The following TYW1B variants were observed in gnomAD, a reference collection of about 807,000 sequenced individuals.
TYW1B encodes S-adenosyl-L-methionine-dependent tRNA 4-demethylwyosine synthase TYW1B.
TYW1B carries 73 observed loss-of-function variants against 86.9 expected under a neutral mutation model. The observed-to-expected ratio is 0.84, with a 90% CI of 0.70 to 1.02. The LOEUF is 1.02. TYW1B is among the 50% of genes least tolerant of loss of function. TYW1B has a pLI of 0.00. For missense variants in TYW1B, 637 were observed against 827.4 expected, an observed-to-expected ratio of 0.77 and a Z score of 2.82; for synonymous variants, 248 against 292.8, an observed-to-expected ratio of 0.85 and a Z score of 1.56.
intron 2 of TYW1B, among the ~76,000 whole-genome samples, chr7:72,826,459 A>G (rs1788930265): frequency 6.6e-6 from 1 of 152,202 alleles, no homozygotes; most frequent in East Asian, 1.9e-4. Context: ...CATGATTTCC[A>G]TTCCCTCCAA....
intron 7 of TYW1B, among the ~76,000 whole-genome samples, chr7:72,776,524 G>A (rs1294190996): frequency 2.7e-5 from 3 of 112,822 alleles, no homozygotes; most frequent in Non-Finnish European, 4.9e-5. Context: ...TTATGCCACC[G>A]CACTCCAGAC....
At position 72,780,859 on chromosome 7, in the gene TYW1B, T is replaced by G. The variant is rs564538004; in HGVS notation, c.847-3326A>C. On this transcript the variant is annotated intron_variant, in intron 6 of 13. Coordinates refer to ENST00000620995, the MANE Select transcript of TYW1B (RefSeq NM_001145440.3). ...AAGGGAGTTTAATGCACCATTCAAATTCTAACTCTAATCTGCTAGGTGTAG... is the reference window on the plus strand; with the variant it reads ...AAGGGAGTTTAATGCACCATTCAAAGTCTAACTCTAATCTGCTAGGTGTAG... Among the ~76,000 whole-genome samples, 36 of 152,172 alleles carry G rather than the reference T, an allele frequency of 2.4e-4. No individual in the cohort carries two copies. The South Asian group carries it at 7.5e-3, about 32-fold the overall frequency.
chr7:72,762,832 G>C lies in TYW1B; in HGVS notation c.964+14584C>G, dbSNP rs375629445. ...ACCCCACCATGCCCGGCTAATTTTT[G>C]TATTTTTAGTAGAGATGGCATTTCA... On this transcript the variant is annotated intron_variant, in intron 7 of 13. Transcript: ENST00000620995. Among the ~76,000 whole-genome samples, 5 of 151,998 alleles carry C rather than the reference G, an allele frequency of 3.3e-5. No individual in the cohort carries two copies. In the East Asian group the frequency reaches 7.8e-4, roughly 24 times the overall value.
chr7:72,715,632 A>C (rs1469230354), intron 9 of TYW1B, among the ~76,000 whole-genome samples: 2 of 151,936 alleles, frequency 1.3e-5, no homozygotes, highest in Non-Finnish European at 2.9e-5. Flanking sequence ...AAAAACAACT[A>C]ATGGGTACTG....
chr7:72,602,075 C>T (rs1811680112), intron 13 of TYW1B, among the ~76,000 whole-genome samples: 2 of 151,970 alleles, frequency 1.3e-5, no homozygotes, highest in African/African-American at 4.8e-5. Context: ...TTAGGAGATC[C>T]CAGGAAGGAG....
rs12155453 is a variant in TYW1B at position 72,813,396 on chromosome 7, G to A, written c.237+1984C>T. The stretch of plus-strand genomic sequence containing the variant: ...TCACCATGTTGGCCAGGCTGGTCTC[G>A]AACTCCTGACCACAGGTGATCCACC... On this transcript the variant is annotated intron_variant, in intron 3 of 13. Transcript: ENST00000620995. Among the ~76,000 whole-genome samples the A allele has an allele frequency of 8.3e-3, 1,268 of 152,118 alleles. 19 individuals carry two copies. The highest frequency in any genetic ancestry group is 0.028 in the African/African-American group (1,173 of 41,498).
intron 9 of TYW1B, among the ~76,000 whole-genome samples, chr7:72,721,664 G>A (rs1363365261): frequency 4.0e-5 from 6 of 151,440 alleles, no homozygotes; most frequent in African/African-American, 4.9e-5. Context: ...ACACATACAC[G>A]CACATGCACA....
chr7:72,768,990 A>G (rs1195011017), intron 7 of TYW1B: 1 of 322,348 alleles, frequency 3.1e-6, no homozygotes, highest in Non-Finnish European at 6.2e-6. Context: ...CTACCTTACT[A>G]TTATTTTCCT....
chr7:72,614,006 G>A (rs1812002777), intron 13 of TYW1B, among the ~76,000 whole-genome samples: 1 of 151,362 alleles, frequency 6.6e-6, no homozygotes, highest in African/African-American at 2.4e-5. Flanking sequence ...GTATGCTGGG[G>A]GGGTGGGGGG....
At chr7:72,799,901 A>G (rs533758737) in intron 6 of TYW1B, among the ~76,000 whole-genome samples, 3 of 152,310 alleles carry the variant, frequency 2.0e-5, no homozygotes, top group Non-Finnish European at 4.4e-5. Context: ...AAAGTCATTC[A>G]TAAATTTAAT....
At chr7:72,689,868 T>C (rs1814099527) in intron 11 of TYW1B, among the ~76,000 whole-genome samples, 1 of 152,302 alleles carries the variant, frequency 6.6e-6, no homozygotes, top group South Asian at 2.1e-4. Flanking sequence ...TATAATCTGA[T>C]ATAAGGTCAA....
intron 12 of TYW1B, among the ~76,000 whole-genome samples, chr7:72,622,967 G>A (rs1276108717): frequency 2.6e-5 from 4 of 152,152 alleles, no homozygotes; most frequent in African/African-American, 7.2e-5. Context: ...CCACTTCTAT[G>A]ACCAAAGTTA....
chr7:72,810,199 A>T (rs1293034503), intron 4 of TYW1B, among the ~76,000 whole-genome samples: 1 of 152,088 alleles, frequency 6.6e-6, no homozygotes, highest in African/African-American at 2.4e-5. Flanking sequence ...AATCACTTGA[A>T]CCCGGGAGCT....
At chr7:72,579,999 C>T (rs1381569729) in intron 13 of TYW1B, among the ~76,000 whole-genome samples, 4 of 152,152 alleles carry the variant, frequency 2.6e-5, no homozygotes, top group African/African-American at 4.8e-5. Flanking sequence ...TCAGGGCTTA[C>T]CCCTATAACC....
At chr7:72,584,115 T>C (rs1381172731) in intron 13 of TYW1B, among the ~76,000 whole-genome samples, 2 of 152,210 alleles carry the variant, frequency 1.3e-5, no homozygotes, top group Non-Finnish European at 2.9e-5. Context: ...TGTGCAATCA[T>C]AGCTCACTGC....
rs111389913 is a variant in TYW1B, at chr7:72,578,395, A to G, written c.1786-2676T>C. ...CTCCCAAAGTGCTGGGATAACAGGC[A>G]TGAGCCACTGCACCCAGCCCTTCCT... On this transcript the variant is annotated intron_variant, in intron 13 of 13. Coordinates refer to ENST00000620995, the MANE Select transcript of TYW1B (RefSeq NM_001145440.3). Among the ~76,000 whole-genome samples the G allele has an allele frequency of 2.0e-5, 3 of 152,306 alleles. No individual in the cohort carries two copies. The East Asian group carries it at 5.8e-4, about 29-fold the overall frequency.
chr7:72,615,042 C>A (rs1455149133), intron 13 of TYW1B, among the ~76,000 whole-genome samples: 5 of 152,212 alleles, frequency 3.3e-5, no homozygotes, highest in Non-Finnish European at 7.3e-5. Flanking sequence ...AAGATTTGTG[C>A]CAAGTCTACT....
chr7:72,775,851 A>G lies in TYW1B; in HGVS notation c.964+1565T>C, dbSNP rs1431412752. Among the ~76,000 whole-genome samples the G allele has an allele frequency of 5.3e-5, 8 of 152,236 alleles. No individual in the cohort carries two copies. In the South Asian group the frequency reaches 1.2e-3, roughly 24 times the overall value. The stretch of plus-strand genomic sequence containing the variant: ...TGAGTACTGAAAATGGTAACTACAT[A>G]AAGTAAATATGTGAGATTCTAAGAT... On this transcript the variant is annotated intron_variant, in intron 7 of 13. Coordinates refer to ENST00000620995, the MANE Select transcript of TYW1B (RefSeq NM_001145440.3).
Position 72,637,399 on chromosome 7 carries a change from C to T in TYW1B, c.1507-8402G>A, listed in dbSNP as rs1210568215. Among the ~76,000 whole-genome samples, 73 of 151,178 alleles carry T rather than the reference C, an allele frequency of 4.8e-4. 1 individual carries two copies. Among genetic ancestry groups the T allele is most frequent in the Admixed American group, 5.9e-4 (9 of 15,166 alleles). On this transcript the variant is annotated intron_variant, in intron 11 of 13. Transcript: ENST00000620995. ...TTTTCTAGGAATTTGTGTATTTCAT[C>T]TAAATTCCCAAATTAATTGGCATAA...
Sources: allele counts gnomAD v4.1 joint callset (sites outside exome capture counted in the v4.1 genomes callset), GRCh38; gene constraint gnomAD v4.1.1; transcripts MANE v1.5; gene names NCBI Gene and HGNC (gene_info 2026-07-23, HGNC 2026-07-21).